LAMA5: variants seen among roughly 807,000 people sequenced by gnomAD.
LAMA5 encodes the protein laminin subunit alpha-5.
Under a neutral mutation model 433.4 loss-of-function variants are expected in LAMA5, and 260 were observed. The observed-to-expected ratio is 0.60, with a 90% CI of 0.54 to 0.66. The LOEUF is 0.66. Among genes scored for constraint, LAMA5 ranks in the 30% least tolerant of loss-of-function variants. The pLI, the probability that LAMA5 is intolerant of heterozygous loss-of-function variation, is 0.00. For synonymous variants in LAMA5, 2,620 were observed against 2,226.6 expected, an observed-to-expected ratio of 1.18 and a Z score of -4.97; for missense variants, 5,378 against 5,258.5, an observed-to-expected ratio of 1.02 and a Z score of -0.70.
rs1415281476 is a variant in LAMA5 at position 62,337,931 on chromosome 20, G to C, written c.1899C>G (p.Thr633=). 2 of 1,609,354 alleles carry C rather than the reference G, an allele frequency of 1.2e-6. No individual in the cohort carries two copies. The highest frequency in any genetic ancestry group is 1.7e-6 in the Non-Finnish European group (2 of 1,178,344). Reference sequence around the variant, plus strand: ...GGTCCAGGGCTCCCCGAGGGTCGCAGGTGCATGCTGCAGAGGGACAATGGG... The same window carrying C: ...GGTCCAGGGCTCCCCGAGGGTCGCACGTGCATGCTGCAGAGGGACAATGGG... ...YHGFPNCQAC[T]CDPRGALDQL... Residue 633 remains threonine, a synonymous_variant, in exon 15 of 80, where the codon ACC becomes ACG. Coordinates refer to ENST00000252999, the MANE Select transcript of LAMA5 (RefSeq NM_005560.6).
Position 62,323,496 on chromosome 20 carries a change from G to T in LAMA5, c.6024C>A (p.Pro2008=). 1 of 1,556,954 alleles carries T rather than the reference G, an allele frequency of 6.4e-7. No individual in the cohort carries two copies. The stretch of plus-strand genomic sequence containing the variant: ...GCAGCAGGGCGTTGCCGTAGAAGCC[G>T]GGGGCACAGATCTCGCAGCGGGGCC... ...TTGPRCEICA[P]GFYGNALLPG... The change falls in exon 45 of 80, where the codon CCC becomes CCA. Residue 2008 remains proline (P), a synonymous_variant. Coordinates refer to ENST00000252999, the MANE Select transcript of LAMA5 (RefSeq NM_005560.6).
chr20:62,352,201 G>C (rs2427294), intron 4 of LAMA5, 41 bp downstream of exon 4: 4 of 1,567,942 alleles, frequency 2.6e-6, no homozygotes, highest in Non-Finnish European at 3.5e-6. Context: ...CCACCTCTCC[G>C]TTCTCCAGCC....
At chr20:62,328,214 C>T (rs749456857) in intron 35 of LAMA5, 27 bp downstream of exon 35, 41 of 1,569,060 alleles carry the variant, frequency 2.6e-5, no homozygotes, top group Admixed American at 1.3e-4. Context: ...CACCAGGGGC[C>T]GCGCTGACGC....
In LAMA5 at chr20:62,310,986, G is replaced by A. The variant is rs779475705; in HGVS notation, c.10197C>T (p.Gly3399=). 1.4e-5 allele frequency: 22 copies of A among 1,611,304 alleles called. No individual in the cohort carries two copies. The highest frequency in any genetic ancestry group is 2.2e-5 in the East Asian group (1 of 44,864). ...GGCCTTCCATCTGTGCAACGAAGTGGCCATTGCTCAGGAAGAGCGCCAGGG... is the reference window on the plus strand; with the variant it reads ...GGCCTTCCATCTGTGCAACGAAGTGACCATTGCTCAGGAAGAGCGCCAGGG... ...SPSLALFLSN[G]HFVAQMEGLG... is the part of the protein sequence containing the mutation. Residue 3399 remains glycine, a synonymous_variant, in exon 74 of 80, where the codon GGC becomes GGT. Coordinates refer to ENST00000252999, the MANE Select transcript of LAMA5 (RefSeq NM_005560.6).
Position 62,325,321 on chromosome 20 carries a change from A to T in LAMA5, c.5524T>A (p.Cys1842Ser), listed in dbSNP as rs767148320. 4 of 1,580,868 alleles carry T rather than the reference A, an allele frequency of 2.5e-6. No homozygotes were observed. The African/African-American group carries it at 4.0e-5, about 16-fold the overall frequency. The change falls in exon 41 of 80, where the codon TGC becomes AGC. Residue 1842 changes from cysteine to serine, a missense_variant. Cys to Ser is a moderately radical substitution (Grantham distance 112). Transcript: ENST00000252999. ...TGGTGCTGTCCTAACCTCACCTGGC[A>T]TGAGTCCCCCCGGTAGCTGGCGGGG... ...LCPASYRGDSCQECAPGFYRD... is the reference protein window; with the variant it reads ...LCPASYRGDSSQECAPGFYRD...
rs752777457 is a variant in LAMA5, at chr20:62,362,454, C to T, written c.396G>A (p.Pro132=). The T allele has an allele frequency of 3.1e-5, 50 of 1,599,840 alleles. No homozygotes were observed. Among genetic ancestry groups the T allele is most frequent in the Non-Finnish European group, 4.1e-5 (48 of 1,172,120 alleles). ...DGTERWWQSP[P]LSRGLEYNEV... ...CGTTGTACTCCAGGCCGCGGGACAG[C>T]GGTGGACTCTGCCACCAGCGCTCCG... The change falls in exon 2 of 80, where the codon CCG becomes CCA. Residue 132 remains proline, a synonymous_variant. Coordinates refer to ENST00000252999, the MANE Select transcript of LAMA5 (RefSeq NM_005560.6).
intron 1 of LAMA5, among the ~76,000 whole-genome samples, chr20:62,365,449 G>A (rs2146384879): frequency 6.6e-6 from 1 of 152,348 alleles, no homozygotes; most frequent in East Asian, 1.9e-4. Flanking sequence ...CCCCACAGAG[G>A]AGACAGATCT....
At position 62,323,564 on chromosome 20, in the gene LAMA5, G is replaced by A. The variant is rs549317315; in HGVS notation, c.5956C>T (p.Pro1986Ser). ...CAGCCACGGCAGGCGCCCGTCAGGG[G>A]GTCGCAGTCGCTGAAGAGCAAGTTG... ...DPNLLFSDCDPLTGACRGCLR... is the reference protein window; with the variant it reads ...DPNLLFSDCDSLTGACRGCLR... Residue 1986 changes from proline (P) to serine (S), a missense_variant, in exon 45 of 80, where the codon CCC becomes TCC. By Grantham distance (74) the Pro-to-Ser change is moderately conservative. Coordinates refer to ENST00000252999, the MANE Select transcript of LAMA5 (RefSeq NM_005560.6). 7 of 1,603,072 alleles carry A rather than the reference G, an allele frequency of 4.4e-6. No homozygotes were observed. In the East Asian group the frequency reaches 1.6e-4, roughly 36 times the overall value.
chr20:62,311,226 G>A lies in LAMA5; in HGVS notation c.10024C>T (p.Gln3342Ter), dbSNP rs1238777506. The change falls in exon 73 of 80, where the codon CAG becomes TAG. Residue 3342 changes from glutamine (Q) to a stop codon, truncating the protein, a stop_gained. Transcript: ENST00000252999. LOFTEE classifies it high-confidence loss of function. ...PHLRTTRDSYQFGGSLSSHLE... is the reference protein window; with the variant it reads ...PHLRTTRDSY The stretch of plus-strand genomic sequence containing the variant: ...TGACTGGACAGGGAACCCCCAAACT[G>A]GTAGGAGTCTCGGGTGGTCCTGAGG... 1 of 1,610,228 alleles carries A rather than the reference G, an allele frequency of 6.2e-7. No homozygotes were observed. Among genetic ancestry groups the A allele is most frequent in the Non-Finnish European group, 8.5e-7 (1 of 1,179,026 alleles).
chr20:62,357,983 G>A (rs190240297), intron 2 of LAMA5, among the ~76,000 whole-genome samples: 3 of 152,356 alleles, frequency 2.0e-5, no homozygotes, highest in Admixed American at 6.5e-5. Context: ...GGGACCCCTC[G>A]GCCTGAAACC....
chr20:62,313,313 C>T lies in LAMA5; in HGVS notation c.8792+14G>A. On this transcript the variant is annotated intron_variant, in intron 64 of 79. Transcript: ENST00000252999. ...GTGGGGTGGGTGGAGACGGGGAGGG[C>T]AGGCCACACGCACCGGGCACAAGGC... 6.5e-7 allele frequency: 1 copy of T among 1,546,586 alleles called. No individual in the cohort carries two copies. The highest frequency in any genetic ancestry group is 2.4e-5 in the East Asian group (1 of 41,050).
chr20:62,312,238 C>A lies in LAMA5; in HGVS notation c.9439G>T (p.Val3147Phe), dbSNP rs534944818. ...CTGTGGAAGCCGAAGCCGGAGTAGA[C>A]GTTGCCAGTGAGCGGTGCCACGTTC... Reference protein sequence around the residue: ...LSNVAPLTGNVYSGFGFHSAQ... With the variant: ...LSNVAPLTGNFYSGFGFHSAQ... The change falls in exon 69 of 80, where the codon GTC becomes TTC. Residue 3147 changes from valine to phenylalanine, a missense_variant. Physicochemically the swap from Val to Phe is conservative, Grantham distance 50. Transcript: ENST00000252999. 250 of 1,611,036 alleles carry A rather than the reference C, an allele frequency of 1.6e-4. 2 individuals carry two copies. The South Asian group carries it at 2.5e-3, about 16-fold the overall frequency.
At position 62,338,562 on chromosome 20, in the gene LAMA5, C is replaced by A. The variant is rs2146239825; in HGVS notation, c.1524G>T (p.Lys508Asn). Residue 508 changes from lysine (K) to asparagine (N), a missense_variant, in exon 12 of 80, where the codon AAG becomes AAT. Coordinates refer to ENST00000252999, the MANE Select transcript of LAMA5 (RefSeq NM_005560.6). ...AAGTQGNACR[K>N]DPRVGRCLCK... is the part of the protein sequence containing the mutation. ...ACAGACAGCGTCCCACCCTTGGGTC[C>A]TTCCGGCAGGCGTTGCCCTGGGTCC... The A allele has an allele frequency of 6.2e-7, 1 of 1,611,452 alleles. No homozygotes were observed. Among genetic ancestry groups the A allele is most frequent in the East Asian group, 2.2e-5 (1 of 44,830 alleles).
intron 1 of LAMA5, among the ~76,000 whole-genome samples, chr20:62,365,944 ATCCCCATAACG>A (rs942666395): frequency 3.3e-5 from 5 of 152,232 alleles, no homozygotes; most frequent in African/African-American, 1.2e-4. Flanking sequence ...TCCTCCATTC[ATCCCCATAACG>A]TCTTGCTCCA....
At chr20:62,336,583 G>A in intron 17 of LAMA5, 138 bp from the exon 18 acceptor site, 1 of 1,142,154 alleles carries the variant, frequency 8.8e-7, no homozygotes, top group South Asian at 1.3e-5. Context: ...CCTGCAGTGG[G>A]GGCAGAGGAC....
At chr20:62,332,793 C>T (rs1164506150) in intron 26 of LAMA5, 76 bp from the exon 27 acceptor site, 3 of 1,538,044 alleles carry the variant, frequency 2.0e-6, no homozygotes, top group African/African-American at 2.8e-5. Context: ...ACTCCAGCGC[C>T]TCCCTGACCC....
rs1986409395 is a variant in LAMA5, at chr20:62,312,520, G to C, written c.9240C>G (p.Leu3080=). 2 of 1,599,072 alleles carry C rather than the reference G, an allele frequency of 1.3e-6. No individual in the cohort carries two copies. Among genetic ancestry groups the C allele is most frequent in the African/African-American group, 2.7e-5 (2 of 74,918 alleles). Residue 3080 remains leucine, a synonymous_variant, in exon 68 of 80, where the codon CTC becomes CTG. Transcript: ENST00000252999. ...CACGGACTGAGCCTCCGGTGGGGAA[G>C]AGCCGTCGCAGGCTGTGGGGAAGCG... is the stretch of plus-strand genomic sequence containing the variant. The part of the protein sequence containing the change: ...PDQLPPSLRR[L]FPTGGSVRGC...
At chr20:62,338,430 G>T (rs368510963) in intron 12 of LAMA5, 38 bp downstream of exon 12, 1 of 1,607,768 alleles carries the variant, frequency 6.2e-7, no homozygotes, top group African/African-American at 1.3e-5. Context: ...TGTCCACCTC[G>T]AGCGCAGGTA....
intron 69 of LAMA5, 45 bp downstream of exon 69, chr20:62,312,128 A>G (rs754036420): frequency 1.9e-6 from 3 of 1,609,066 alleles, no homozygotes; most frequent in Admixed American, 3.3e-5. Context: ...AACTGCTCCG[A>G]CGGCCACCGC....
Sources: gnomAD v4.1 joint callset for allele counts (sites outside exome capture counted in the v4.1 genomes callset) on GRCh38, gnomAD v4.1.1 for gene constraint, MANE v1.5 for transcripts, NCBI Gene and HGNC (gene_info 2026-07-23, HGNC 2026-07-21) for gene names.